Variants in SHOC2 observed in about 807,000 individuals in gnomAD.
SHOC2 encodes leucine-rich repeat protein SHOC-2.
SHOC2 carries 4 observed loss-of-function variants against 50.2 expected under a neutral mutation model. The ratio of observed to expected loss-of-function variants is 0.08; its 90% CI spans 0.04 to 0.18. The LOEUF is 0.18. Ranked by LOEUF, SHOC2 falls within the 10% of genes least tolerant of loss-of-function variation. The pLI, the probability that SHOC2 is intolerant of heterozygous loss-of-function variation, is 1.00. For synonymous variants in SHOC2, 218 were observed against 244.5 expected (o/e 0.89, Z 1.01); for missense variants, 388 against 669.6 (o/e 0.58, Z 4.64).
chr10:110,991,537 A>G (rs1325816934), intron 3 of SHOC2, among the ~76,000 whole-genome samples: 1 of 152,164 alleles, frequency 6.6e-6, no homozygotes, highest in Non-Finnish European at 1.5e-5. Context: ...TACAGCTGTT[A>G]CTCTGAGTAA....
At chr10:110,997,591 A>G (rs1360151832) in intron 3 of SHOC2, among the ~76,000 whole-genome samples, 2 of 152,190 alleles carry the variant, frequency 1.3e-5, no homozygotes, top group Admixed American at 6.5e-5. Flanking sequence ...TTTTTATAAC[A>G]TAACTTTAGT....
chr10:110,998,929 T>G (rs1848317085), intron 3 of SHOC2, among the ~76,000 whole-genome samples: 1 of 152,352 alleles, frequency 6.6e-6, no homozygotes, highest in Non-Finnish European at 1.5e-5. Context: ...AAGGCTTAAC[T>G]TATGCTATAG....
intron 1 of SHOC2, among the ~76,000 whole-genome samples, chr10:110,920,498 A>G (rs952575379): frequency 5.9e-5 from 9 of 152,128 alleles, no homozygotes; most frequent in African/African-American, 2.2e-4. Context: ...ACTCCAAAGC[A>G]TTAACTTGCC....
chr10:111,011,669 C>T lies in SHOC2; in HGVS notation c.1600C>T (p.Pro534Ser), dbSNP rs1060501926. The T allele has an allele frequency of 6.2e-7, 1 of 1,613,828 alleles. No homozygotes were observed. The highest frequency in any genetic ancestry group is 8.5e-7 in the Non-Finnish European group (1 of 1,179,918). The change falls in exon 9 of 9, where the codon CCC becomes TCC. Residue 534 changes from proline (P) to serine (S), a missense_variant. Around this residue, in one of 5 missense-constraint regions of SHOC2, gnomAD observed 130 missense variants for 208.6 expected, o/e 0.62. Coordinates refer to ENST00000369452, the MANE Select transcript of SHOC2 (RefSeq NM_007373.4). ...TGACAACCCCAACCTGCATAGCCTTCCCTTTGAGCTGGCACTCTGCAGCAA... is the reference window on the plus strand; with the variant it reads ...TGACAACCCCAACCTGCATAGCCTTTCCTTTGAGCTGGCACTCTGCAGCAA... ...LNDNPNLHSL[P>S]FELALCSKLS... is the part of the protein sequence containing the mutation.
intron 1 of SHOC2, among the ~76,000 whole-genome samples, chr10:110,925,124 T>G (rs1258908023): frequency 2.0e-5 from 3 of 150,536 alleles, no homozygotes; most frequent in Non-Finnish European, 4.4e-5. Context: ...AAATGTCTTT[T>G]CTCAGCATTT....
At chr10:110,945,294 T>G (rs1304974563) in intron 1 of SHOC2, among the ~76,000 whole-genome samples, 1 of 152,118 alleles carries the variant, frequency 6.6e-6, no homozygotes, top group African/African-American at 2.4e-5. Context: ...AAGCAATAAT[T>G]TGGGGAGAAT....
intron 2 of SHOC2, among the ~76,000 whole-genome samples, chr10:110,975,612 C>T (rs1321802059): frequency 2.0e-5 from 3 of 151,026 alleles, no homozygotes; most frequent in Admixed American, 1.3e-4. Flanking sequence ...ATTTTTTTTT[C>T]ACGACTAGTT....
At chr10:110,931,417 T>C (rs1846894326) in intron 1 of SHOC2, among the ~76,000 whole-genome samples, 1 of 152,204 alleles carries the variant, frequency 6.6e-6, no homozygotes, top group Non-Finnish European at 1.5e-5. Context: ...CTTTTGGTCT[T>C]CTAACTTTGA....
chr10:110,990,126 G>A lies in SHOC2; in HGVS notation c.841+4361G>A, dbSNP rs1289555527. On this transcript the variant is annotated intron_variant, in intron 3 of 8. Coordinates refer to ENST00000369452, the MANE Select transcript of SHOC2 (RefSeq NM_007373.4). Reference sequence around the variant, plus strand: ...ATTCTTAGTCTTAGAAAAACAAAATGTTCAAGGGCTGAGGAAGGCGAGCGC... The same window carrying A: ...ATTCTTAGTCTTAGAAAAACAAAATATTCAAGGGCTGAGGAAGGCGAGCGC... 1.1e-4 allele frequency among the ~76,000 whole-genome samples: 16 copies of A among 152,244 alleles called. 1 individual carries two copies. The highest frequency in any genetic ancestry group is 3.6e-4 in the African/African-American group (15 of 41,464).
intron 2 of SHOC2, among the ~76,000 whole-genome samples, chr10:110,973,617 T>G (rs1027191452): frequency 3.3e-5 from 5 of 152,138 alleles, no homozygotes; most frequent in Non-Finnish European, 5.9e-5. Flanking sequence ...AGAATTAGTA[T>G]TATTTCCTCC....
chr10:110,925,987 A>G (rs976070257), intron 1 of SHOC2, among the ~76,000 whole-genome samples: 1 of 152,188 alleles, frequency 6.6e-6, no homozygotes, highest in Non-Finnish European at 1.5e-5. Flanking sequence ...TCTTGAGATT[A>G]CTTATAGGAA....
chr10:110,939,899 C>T (rs1283023007), intron 1 of SHOC2, among the ~76,000 whole-genome samples: 1 of 152,120 alleles, frequency 6.6e-6, no homozygotes, highest in Non-Finnish European at 1.5e-5. Flanking sequence ...TATTTTCCTA[C>T]TATTAATGGA....
At chr10:110,928,197 A>G (rs997349440) in intron 1 of SHOC2, among the ~76,000 whole-genome samples, 1 of 151,988 alleles carries the variant, frequency 6.6e-6, no homozygotes, top group Non-Finnish European at 1.5e-5. Context: ...CATGCCTGTA[A>G]TCCCAGCTAC....
chr10:110,996,939 G>A (rs1848278999), intron 3 of SHOC2, among the ~76,000 whole-genome samples: 3 of 152,198 alleles, frequency 2.0e-5, no homozygotes, highest in African/African-American at 7.2e-5. Flanking sequence ...TTGTCGAGAG[G>A]TGGGTAGAGC....
intron 1 of SHOC2, among the ~76,000 whole-genome samples, chr10:110,959,227 T>C (rs755973891): frequency 6.6e-6 from 1 of 152,212 alleles, no homozygotes; most frequent in Non-Finnish European, 1.5e-5. Context: ...TATAGACGTG[T>C]TATATTTTTG....
chr10:111,009,925 T>C, intron 8 of SHOC2, 95 bp downstream of exon 8: 1 of 786,092 alleles, frequency 1.3e-6, no homozygotes, highest in Non-Finnish European at 2.2e-6. Context: ...TATTGTTTTT[T>C]AAACTGAGGT....
At position 110,934,964 on chromosome 10, in the gene SHOC2, T is replaced by A. The variant is rs185842610; in HGVS notation, c.-235+15307T>A. On this transcript the variant is annotated intron_variant, in intron 1 of 8. Transcript: ENST00000369452. Reference sequence around the variant, plus strand: ...GAAACCTCTTCTACCCAGTTTCTGCTCCTGGGAAACTACTATGAGTTTATT... The same window carrying A: ...GAAACCTCTTCTACCCAGTTTCTGCACCTGGGAAACTACTATGAGTTTATT... Among the ~76,000 whole-genome samples the A allele has an allele frequency of 2.5e-3, 388 of 152,322 alleles. 4 individuals carry two copies. Among genetic ancestry groups the A allele is most frequent in the African/African-American group, 8.7e-3 (362 of 41,574 alleles).
chr10:110,944,982 G>A (rs4918614), intron 1 of SHOC2, among the ~76,000 whole-genome samples: 76,486 of 151,998 alleles, frequency 0.5, 22,954 homozygotes, highest in Non-Finnish European at 0.67. Context: ...CCCTTTTCAG[G>A]TCTTCCTTGA....
intron 1 of SHOC2, among the ~76,000 whole-genome samples, chr10:110,920,793 C>T (rs1342922678): frequency 6.6e-6 from 1 of 152,166 alleles, no homozygotes; most frequent in Non-Finnish European, 1.5e-5. Context: ...GATGCTGAAG[C>T]AAAATTAGGT....
Sources: allele counts gnomAD v4.1 joint callset (sites outside exome capture counted in the v4.1 genomes callset), GRCh38; gene constraint gnomAD v4.1.1; regional missense constraint gnomAD v4.1.1; transcripts MANE v1.5; gene names NCBI Gene and HGNC (gene_info 2026-07-23, HGNC 2026-07-21).